Variants in HIVEP1 observed in about 807,000 individuals in gnomAD.
HIVEP1 encodes the protein HIVEP zinc finger 1.
Under a neutral mutation model 180.0 loss-of-function variants are expected in HIVEP1, and 36 were observed. The observed-to-expected ratio is 0.20, with a 90% CI of 0.15 to 0.26. The LOEUF is 0.26. Among genes scored for constraint, HIVEP1 ranks in the 10% least tolerant of loss-of-function variants. The pLI, the probability that HIVEP1 is intolerant of heterozygous loss-of-function variation, is 1.00. For synonymous variants in HIVEP1, 1,239 were observed against 1,239.0 expected (o/e 1.00, Z 0.00); for missense variants, 3,143 against 3,268.7 (o/e 0.96, Z 0.94).
chr6:12,167,715 A>AATAT (rs199615039), downstream of HIVEP1, among the ~76,000 whole-genome samples: 3 of 75,128 alleles, frequency 4.0e-5, no homozygotes, highest in Non-Finnish European at 8.9e-5. Context: ...ATATATGCAT[A>AATAT]ATATATATAC....
At chr6:12,177,099 T>C in the HIVEP1 span, among the ~76,000 whole-genome samples, 1 of 151,926 alleles carries the variant, frequency 6.6e-6, no homozygotes, top group Non-Finnish European at 1.5e-5. Flanking sequence ...CTCTTATAAG[T>C]GGGAGCTAAA....
chr6:12,029,744 T>A (rs540008490), intron 2 of HIVEP1, among the ~76,000 whole-genome samples: 4 of 152,196 alleles, frequency 2.6e-5, no homozygotes, highest in South Asian at 2.1e-4. Flanking sequence ...TATTGTGATA[T>A]ATGCTTAATC....
At chr6:12,022,005 A>G (rs1768252083) in intron 2 of HIVEP1, among the ~76,000 whole-genome samples, 1 of 152,120 alleles carries the variant, frequency 6.6e-6, no homozygotes, top group Non-Finnish European at 1.5e-5. Flanking sequence ...GGTTGAGATG[A>G]TTTATACTCA....
At chr6:12,065,846 A>G (rs1561905367) in intron 2 of HIVEP1, among the ~76,000 whole-genome samples, 1 of 152,142 alleles carries the variant, frequency 6.6e-6, no homozygotes, top group East Asian at 1.9e-4. Context: ...AGAGCTGATA[A>G]ACGATTAGAA....
chr6:12,118,577 T>A (rs924611443), intron 3 of HIVEP1, among the ~76,000 whole-genome samples: 1 of 152,228 alleles, frequency 6.6e-6, no homozygotes, highest in African/African-American at 2.4e-5. Context: ...TCTCTTGCAA[T>A]AAGTTTTACC....
At chr6:12,090,809 C>T (rs904636164) in intron 3 of HIVEP1, among the ~76,000 whole-genome samples, 2 of 142,030 alleles carry the variant, frequency 1.4e-5, no homozygotes, top group African/African-American at 5.3e-5. Flanking sequence ...CAAATGTGAG[C>T]CTGTCTTCCT....
chr6:12,169,315 T>G (rs186361368), downstream of HIVEP1, among the ~76,000 whole-genome samples: 51 of 152,328 alleles, frequency 3.3e-4, no homozygotes, highest in East Asian at 4.4e-3. Context: ...GGATTCCTAG[T>G]CTTTGCACAC....
chr6:12,012,207 C>T (rs1294245750), upstream of HIVEP1: 1 of 143,192 alleles, frequency 7.0e-6, no homozygotes, highest in Admixed American at 6.9e-5. Context: ...GCTTCGCCGC[C>T]TCCTCCGCCC....
chr6:12,086,013 A>C (rs1173450833), intron 2 of HIVEP1, among the ~76,000 whole-genome samples: 1 of 152,178 alleles, frequency 6.6e-6, no homozygotes, highest in Non-Finnish European at 1.5e-5. Context: ...TTCTTACACA[A>C]AATTTTTAAT....
At chr6:12,157,399 T>C (rs927041158) in intron 7 of HIVEP1, among the ~76,000 whole-genome samples, 2 of 152,222 alleles carry the variant, frequency 1.3e-5, no homozygotes, top group Non-Finnish European at 2.9e-5. Flanking sequence ...TTTCTTTTGA[T>C]GCCTTCTCTA....
At chr6:12,020,293 G>A (rs186322918) in intron 2 of HIVEP1, 1 of 471,080 alleles carries the variant, frequency 2.1e-6, no homozygotes, top group Non-Finnish European at 4.4e-6. Flanking sequence ...CCTTTGTGAG[G>A]TTGAAGAATT....
intron 2 of HIVEP1, among the ~76,000 whole-genome samples, chr6:12,070,732 C>G (rs1316192885): frequency 2.0e-5 from 3 of 152,130 alleles, no homozygotes; most frequent in African/African-American, 7.2e-5. Context: ...AAAGCTCTAC[C>G]AGTAGGAAAA....
chr6:12,149,920 G>A (rs1014011358), intron 7 of HIVEP1, among the ~76,000 whole-genome samples: 4 of 152,184 alleles, frequency 2.6e-5, no homozygotes, highest in African/African-American at 7.2e-5. Context: ...AGGCTGCGCG[G>A]TACCTGTCTT....
intron 3 of HIVEP1, among the ~76,000 whole-genome samples, chr6:12,102,335 C>G (rs1262893569): frequency 2.0e-5 from 3 of 152,104 alleles, no homozygotes; most frequent in Non-Finnish European, 4.4e-5. Context: ...AGACCATCAC[C>G]TAGGCCATAA....
chr6:12,043,384 C>CA (rs1192518287), intron 2 of HIVEP1, among the ~76,000 whole-genome samples: 4 of 121,430 alleles, frequency 3.3e-5, no homozygotes, highest in Non-Finnish European at 4.9e-5. Context: ...TTTTTGGAGA[C>CA]AGAGTCTTAC....
chr6:12,048,461 A>G (rs1770283264), intron 2 of HIVEP1, among the ~76,000 whole-genome samples: 1 of 152,230 alleles, frequency 6.6e-6, no homozygotes, highest in South Asian at 2.1e-4. Flanking sequence ...TTGGCCTTCC[A>G]ACCAATATGC....
At position 12,121,873 on chromosome 6, in the gene HIVEP1, C is replaced by T. The variant is rs867914743; in HGVS notation, c.2078C>T (p.Ala693Val). 1 of 1,614,160 alleles carries T rather than the reference C, an allele frequency of 6.2e-7. No individual in the cohort carries two copies. Among genetic ancestry groups the T allele is most frequent in the South Asian group, 1.1e-5 (1 of 91,078 alleles). The change falls in exon 4 of 9, where the codon GCC (alanine) becomes GTC (valine). Residue 693 changes from alanine (A) to valine (V), a missense_variant. Physicochemically the swap from Ala to Val is moderately conservative, Grantham distance 64 (BLOSUM62 0). Around this residue, in one of 12 missense-constraint regions of HIVEP1, gnomAD observed 365 missense variants for 344.4 expected, o/e 1.06. Transcript: ENST00000379388. The surrounding 1 kb of genome is among the most constrained non-coding windows in gnomAD (Gnocchi z 5.3). ...DQTVSPPTPF[A>V]RRLPSTEQDS... Reference sequence around the variant, plus strand: ...ACAGTGAGTCCACCAACTCCCTTTGCCAGAAGGTTACCCAGCACAGAACAA... The same window carrying T: ...ACAGTGAGTCCACCAACTCCCTTTGTCAGAAGGTTACCCAGCACAGAACAA...
chr6:12,084,300 T>C (rs1345615620), intron 2 of HIVEP1, among the ~76,000 whole-genome samples: 1 of 152,156 alleles, frequency 6.6e-6, no homozygotes, highest in Non-Finnish European at 1.5e-5. Context: ...GCAGTGTTTT[T>C]GTTTGAAATA....
In HIVEP1 at chr6:12,161,555, G is replaced by A; in HGVS notation, c.6604G>A (p.Val2202Ile). The A allele has an allele frequency of 1.2e-6, 2 of 1,614,112 alleles. No individual in the cohort carries two copies. The highest frequency in any genetic ancestry group is 8.5e-7 in the Non-Finnish European group (1 of 1,179,970). ...TGATGAGGACAGCCAGGCTGAATCA[G>A]TCCTGTCAGCCACACCCTCAGTCAC... ...DDDEDSQAES[V>I]LSATPSVTAS... The change falls in exon 8 of 9, where the codon GTC becomes ATC. Residue 2202 changes from valine (V) to isoleucine (I), a missense_variant. Val to Ile is a conservative substitution (Grantham distance 29, BLOSUM62 3). Coordinates refer to ENST00000379388, the MANE Select transcript of HIVEP1 (RefSeq NM_002114.4).
Sources: gnomAD v4.1 joint callset for allele counts (sites outside exome capture counted in the v4.1 genomes callset) on GRCh38, gnomAD v4.1.1 for gene constraint, gnomAD v4.1.1 regional missense constraint, Gnocchi (gnomAD v3.1) non-coding constraint, MANE v1.5 for transcripts, NCBI Gene and HGNC (gene_info 2026-07-23, HGNC 2026-07-21) for gene names.